Variants in CCDC148 observed in about 807,000 individuals in gnomAD.
CCDC148 encodes coiled-coil domain containing 148.
In CCDC148, 89 loss-of-function variants were observed where a neutral mutation model predicts 85.7. The observed-to-expected ratio is 1.04, with a 90% CI of 0.87 to 1.24. The LOEUF (loss-of-function observed/expected upper bound fraction) is 1.24, where lower values mean the gene tolerates loss of function less well. Among genes scored for constraint, CCDC148 ranks in the 50% most tolerant of loss-of-function variants. The probability of loss-of-function intolerance (pLI) is 0.00; values close to 1 mark genes in which losing one functional copy is unlikely to be tolerated. For missense variants in CCDC148, 692 were observed against 671.7 expected, an observed-to-expected ratio of 1.03 and a Z score of -0.33; for synonymous variants, 230 against 213.9, an observed-to-expected ratio of 1.08 and a Z score of -0.66.
intron 9 of CCDC148, among the ~76,000 whole-genome samples, chr2:158,305,747 C>T: frequency 7.8e-6 from 1 of 128,066 alleles, no homozygotes; most frequent in Non-Finnish European, 1.6e-5. Flanking sequence ...GAATGAAACC[C>T]TGTCTCTTAA....
Position 158,349,551 on chromosome 2 carries a change from T to C in CCDC148, c.148-4233A>G, listed in dbSNP as rs9917398. ...GCATTCAGGACATTAAAAAAAACTTTGAGTTGTATTTAATTTCCAGTTATT... is the reference window on the plus strand; with the variant it reads ...GCATTCAGGACATTAAAAAAAACTTCGAGTTGTATTTAATTTCCAGTTATT... On this transcript the variant is annotated intron_variant, in intron 2 of 13. Coordinates refer to ENST00000283233, the MANE Select transcript of CCDC148 (RefSeq NM_138803.4). Among the ~76,000 whole-genome samples the C allele has an allele frequency of 9.7e-3, 1,472 of 152,080 alleles. 19 individuals are homozygous for C. Among genetic ancestry groups the C allele is most frequent in the African/African-American group, 0.033 (1,364 of 41,538 alleles).
intron 11 of CCDC148, among the ~76,000 whole-genome samples, chr2:158,193,603 A>T (rs1300953538): frequency 2.6e-5 from 4 of 152,040 alleles, no homozygotes; most frequent in Admixed American, 6.6e-5. Flanking sequence ...TACAAAGAAT[A>T]AAAAAAGCCA....
chr2:158,283,182 G>A (rs575523619), intron 9 of CCDC148, among the ~76,000 whole-genome samples: 18 of 152,146 alleles, frequency 1.2e-4, no homozygotes, highest in Non-Finnish European at 2.4e-4. Flanking sequence ...AACCCTAGAC[G>A]AAAACCTAGG....
In CCDC148 at chr2:158,437,650, A is replaced by G. The variant is rs550687574; in HGVS notation, c.25+18765T>C. ...CAGGGCAATCAGGCAGGAGAAGGAA[A>G]TAAAGGGTATTCAATTAGGAAAAGA... On this transcript the variant is annotated intron_variant, in intron 1 of 13. Transcript: ENST00000283233. Among the ~76,000 whole-genome samples the G allele has an allele frequency of 6.3e-3, 965 of 152,318 alleles. 13 individuals are homozygous for G. Among genetic ancestry groups the G allele is most frequent in the African/African-American group, 0.022 (920 of 41,550 alleles).
intron 1 of CCDC148, chr2:158,365,938 AT>A (rs1237351673): frequency 9.4e-7 from 1 of 1,065,442 alleles, no homozygotes; most frequent in Non-Finnish European, 1.3e-6. Flanking sequence ...AAAAATCAAC[AT>A]TCCAATTGTG....
chr2:158,315,680 C>T (rs985575612), intron 7 of CCDC148, among the ~76,000 whole-genome samples: 1 of 152,002 alleles, frequency 6.6e-6, no homozygotes, highest in African/African-American at 2.4e-5. Context: ...TTCCCATCAC[C>T]GAGATGCTGT....
At chr2:158,331,940 T>C (rs921957874) in intron 7 of CCDC148, among the ~76,000 whole-genome samples, 5 of 152,106 alleles carry the variant, frequency 3.3e-5, no homozygotes, top group Non-Finnish European at 1.5e-5. Flanking sequence ...AGCACACTGA[T>C]GGGTCTTGAC....
At chr2:158,337,684 G>A (rs1161993179) in intron 7 of CCDC148, among the ~76,000 whole-genome samples, 1 of 152,092 alleles carries the variant, frequency 6.6e-6, no homozygotes, top group East Asian at 1.9e-4. Flanking sequence ...ATCAGAAAAA[G>A]GGGTCCAACT....
In CCDC148 at chr2:158,434,977, T is replaced by G. The variant is rs980991650; in HGVS notation, c.25+21438A>C. Among the ~76,000 whole-genome samples the G allele has an allele frequency of 3.3e-5, 5 of 152,236 alleles. No individual in the cohort carries two copies. The East Asian group carries it at 9.6e-4, about 29-fold the overall frequency. ...AGCCTCCAAGAAATATGGGACTATG[T>G]GAAAAGACCAAATCTATGTCTGATT... On this transcript the variant is annotated intron_variant, in intron 1 of 13. Transcript: ENST00000283233.
intron 1 of CCDC148, among the ~76,000 whole-genome samples, chr2:158,411,577 T>C (rs573977956): frequency 6.6e-6 from 1 of 152,270 alleles, no homozygotes; most frequent in Admixed American, 6.5e-5. Flanking sequence ...TTTGATTATG[T>C]ATTGTTTTCC....
chr2:158,456,195 T>G lies in CCDC148; in HGVS notation c.25+220A>C, dbSNP rs573607301. On this transcript the variant is annotated intron_variant, in intron 1 of 13. Transcript: ENST00000283233. ...GCTCATGTGTTGACGCTTTGGCATCTATCATACAATCCGCCACCTCGTTCC... is the reference window on the plus strand; with the variant it reads ...GCTCATGTGTTGACGCTTTGGCATCGATCATACAATCCGCCACCTCGTTCC... Among the ~76,000 whole-genome samples, 346 of 152,330 alleles carry G rather than the reference T, an allele frequency of 2.3e-3. 2 individuals carry two copies. The highest frequency in any genetic ancestry group is 8.1e-3 in the African/African-American group (337 of 41,586).
chr2:158,453,789 T>C (rs1487565095), intron 1 of CCDC148, among the ~76,000 whole-genome samples: 3 of 152,220 alleles, frequency 2.0e-5, no homozygotes, highest in African/African-American at 7.2e-5. Flanking sequence ...GAGCTGGTAA[T>C]TGAAAAGTTG....
intron 9 of CCDC148, among the ~76,000 whole-genome samples, chr2:158,283,887 C>G (rs1370381850): frequency 6.6e-6 from 1 of 151,926 alleles, no homozygotes; most frequent in Non-Finnish European, 1.5e-5. Flanking sequence ...AAATGTCCAA[C>G]AATGATAGAC....
At chr2:158,307,102 T>C (rs923534396) in intron 9 of CCDC148, among the ~76,000 whole-genome samples, 1 of 151,522 alleles carries the variant, frequency 6.6e-6, no homozygotes, top group African/African-American at 2.4e-5. Context: ...TCATTAAAAT[T>C]AAGAAGTTTT....
At chr2:158,188,422 A>AT (rs145129800) in intron 11 of CCDC148, among the ~76,000 whole-genome samples, 10 of 151,592 alleles carry the variant, frequency 6.6e-5, no homozygotes, top group Admixed American at 1.3e-4. Context: ...ATATTAGAAT[A>AT]TTTTTTTTAA....
chr2:158,219,610 T>C (rs574638490), intron 11 of CCDC148, among the ~76,000 whole-genome samples: 1 of 152,192 alleles, frequency 6.6e-6, no homozygotes, highest in Non-Finnish European at 1.5e-5. Flanking sequence ...GTCAGTCCCA[T>C]CAAATTTCAA....
Position 158,323,357 on chromosome 2 carries a change from G to T in CCDC148, c.765-9463C>A, listed in dbSNP as rs148119097. Among the ~76,000 whole-genome samples the T allele has an allele frequency of 9.6e-3, 1,468 of 152,272 alleles. 19 individuals are homozygous for T. Among genetic ancestry groups the T allele is most frequent in the African/African-American group, 0.033 (1,360 of 41,570 alleles). The stretch of plus-strand genomic sequence containing the variant: ...TCTCATTAATTGAAAAATATTGATT[G>T]TATGTTGAAATTATAATATTGTGGA... On this transcript the variant is annotated intron_variant, in intron 7 of 13. Coordinates refer to ENST00000283233, the MANE Select transcript of CCDC148 (RefSeq NM_138803.4).
At chr2:158,353,281 C>T (rs535993134) in intron 2 of CCDC148, among the ~76,000 whole-genome samples, 4 of 135,860 alleles carry the variant, frequency 2.9e-5, no homozygotes. Flanking sequence ...CACAGACTGG[C>T]AAATTGGATA....
chr2:158,266,815 G>T (rs931833139), intron 9 of CCDC148, among the ~76,000 whole-genome samples: 7 of 151,270 alleles, frequency 4.6e-5, no homozygotes, highest in African/African-American at 1.2e-4. Context: ...CCTTTTTATG[G>T]CTCAGTACTA....
Sources: allele counts gnomAD v4.1 joint callset (sites outside exome capture counted in the v4.1 genomes callset), GRCh38; gene constraint gnomAD v4.1.1; transcripts MANE v1.5; gene names NCBI Gene and HGNC (gene_info 2026-07-23, HGNC 2026-07-21).